The following NPC1L1 variants were observed in gnomAD, a reference collection of about 807,000 sequenced individuals.
NPC1L1 encodes the protein NPC1 like intracellular cholesterol transporter 1, also known as NPC1-like intracellular cholesterol transporter 1.
In NPC1L1, 98 loss-of-function variants were observed where a neutral mutation model predicts 117.0. The observed-to-expected ratio is 0.84, with a 90% CI of 0.71 to 0.99. The LOEUF is 0.99. NPC1L1 is among the 50% of genes least tolerant of loss of function. NPC1L1 has a pLI of 0.00. For missense variants in NPC1L1, 1,540 were observed against 1,710.0 expected, an observed-to-expected ratio of 0.90 and a Z score of 1.75; for synonymous variants, 729 against 727.6, an observed-to-expected ratio of 1.00 and a Z score of -0.03.
chr7:44,533,652 T>C (rs1563208684), intron 7 of NPC1L1, 87 bp downstream of exon 7: 5 of 1,605,404 alleles, frequency 3.1e-6, no homozygotes, highest in Non-Finnish European at 4.3e-6. Flanking sequence ...GAATCTGCAC[T>C]ATACCCACTG....
Position 44,533,846 on chromosome 7 carries a change from G to A in NPC1L1, c.2174C>T (p.Pro725Leu). The change falls in exon 7 of 19, where the codon CCC becomes CTC. Residue 725 changes from proline to leucine, a missense_variant. Transcript: ENST00000381160. ...CTCTCGTGGCTCCCCAGGCCTCCGG[G>A]GCAGCCTCTGTGTGGGAACAGCAGG... ...FIFVLEYQRLPRRPGEPREVH... is the reference protein window; with the variant it reads ...FIFVLEYQRLLRRPGEPREVH... The A allele has an allele frequency of 6.2e-7, 1 of 1,611,170 alleles. No individual in the cohort carries two copies.
chr7:44,514,920 G>A (rs940415161), intron 18 of NPC1L1, among the ~76,000 whole-genome samples: 3 of 151,832 alleles, frequency 2.0e-5, no homozygotes, highest in Non-Finnish European at 2.9e-5. Flanking sequence ...GGCTAAAGCA[G>A]GAGAATGGCT....
chr7:44,518,784 A>G (rs1801266353), intron 14 of NPC1L1: 5 of 1,041,702 alleles, frequency 4.8e-6, no homozygotes, highest in Non-Finnish European at 5.9e-6. Context: ...TCTTGGATAC[A>G]TACAATCTCA....
intron 14 of NPC1L1, chr7:44,518,669 CA>C (rs374773929): frequency 0.17 from 150,792 of 872,564 alleles, 30 homozygotes; most frequent in South Asian, 0.2. Context: ...AACTGTGTCT[CA>C]AAAAAAAAAA....
At position 44,521,084 on chromosome 7, in the gene NPC1L1, G is replaced by A. The variant is rs781185005; in HGVS notation, c.2988C>T (p.Ile996=). The A allele has an allele frequency of 1.2e-6, 2 of 1,614,178 alleles. No individual in the cohort carries two copies. Among genetic ancestry groups the A allele is most frequent in the Non-Finnish European group, 1.7e-6 (2 of 1,180,032 alleles). Residue 996 remains isoleucine (I), a synonymous_variant, in exon 13 of 19, where the codon ATC becomes ATT. Transcript: ENST00000381160. ...SLNCLKNCMS[I]TMGSVRPSVE... ...CCGAGGGCCTCACAGAGCCCATCGT[G>A]ATGCTCATGCAGTTCTTTAGGCAGT...
intron 14 of NPC1L1, among the ~76,000 whole-genome samples, chr7:44,519,677 T>C (rs1801293730): frequency 6.6e-6 from 1 of 152,202 alleles, no homozygotes; most frequent in African/African-American, 2.4e-5. Flanking sequence ...ACACCGAGCA[T>C]GTCTGCACGG....
intron 12 of NPC1L1, among the ~76,000 whole-genome samples, chr7:44,521,403 G>T (rs1027196428): frequency 8.5e-5 from 13 of 152,218 alleles, no homozygotes; most frequent in African/African-American, 2.9e-4. Context: ...GCAGGGCCAT[G>T]TGCTAACCTC....
Position 44,539,997 on chromosome 7 carries a change from T to C in NPC1L1, c.400A>G (p.Ser134Gly). 6.2e-7 allele frequency: 1 copy of C among 1,614,140 alleles called. No homozygotes were observed. Among genetic ancestry groups the C allele is most frequent in the South Asian group, 1.1e-5 (1 of 91,082 alleles). The part of the protein sequence containing the change: ...HCHNTCSPNQ[S>G]LFINVTRVAQ... Reference sequence around the variant, plus strand: ...ACGCGGGTCACATTGATGAAGAGGCTCTGATTGGGGCTGCACGTGTTGTGG... The same window carrying C: ...ACGCGGGTCACATTGATGAAGAGGCCCTGATTGGGGCTGCACGTGTTGTGG... The change falls in exon 2 of 19, where the codon AGC (serine) becomes GGC (glycine). Residue 134 changes from serine (S) to glycine (G), a missense_variant. By Grantham distance (56) the Ser-to-Gly change is moderately conservative (BLOSUM62 0). Transcript: ENST00000381160. The surrounding 1 kb of genome is among the most constrained non-coding windows in gnomAD (Gnocchi z 4.4).
chr7:44,538,877 T>C lies in NPC1L1; in HGVS notation c.1520A>G (p.Gln507Arg), dbSNP rs780904342. 6.2e-7 allele frequency: 1 copy of C among 1,614,194 alleles called. No homozygotes were observed. The highest frequency in any genetic ancestry group is 8.5e-7 in the Non-Finnish European group (1 of 1,180,018). ...TTGGGAGGTCTGCCCCATCAGTGTC[T>C]GGTTGGCTGTGAGCAGCAGGAGCGT... ...NRTLLLLTANQTLMGQTSQVD... is the reference protein window; with the variant it reads ...NRTLLLLTANRTLMGQTSQVD... Residue 507 changes from glutamine to arginine, a missense_variant, in exon 2 of 19, where the codon CAG becomes CGG. Gln to Arg is a conservative substitution (Grantham distance 43). Around this residue, in one of 3 missense-constraint regions of NPC1L1, gnomAD observed 793 missense variants for 820.4 expected, o/e 0.97. Transcript: ENST00000381160. This position sits in a 1 kb window ranked among gnomAD's most constrained non-coding sequence, Gnocchi z 5.9.
chr7:44,518,385 G>T (rs1801253077), intron 14 of NPC1L1, among the ~76,000 whole-genome samples: 1 of 151,800 alleles, frequency 6.6e-6, no homozygotes, highest in South Asian at 2.1e-4. Context: ...GGCCAGGCTG[G>T]TCTCAAACTC....
chr7:44,523,708 A>G (rs1801428650), intron 10 of NPC1L1, among the ~76,000 whole-genome samples: 1 of 152,184 alleles, frequency 6.6e-6, no homozygotes, highest in South Asian at 2.1e-4. Flanking sequence ...TACAAAAAAA[A>G]ATACAAAAGT....
rs1207203457 is a variant in NPC1L1 at position 44,539,085 on chromosome 7, G to C, written c.1312C>G (p.Leu438Val). 2.5e-6 allele frequency: 4 copies of C among 1,613,984 alleles called. No homozygotes were observed. The highest frequency in any genetic ancestry group is 3.3e-5 in the Admixed American group (2 of 60,002). ...TCTAGCAGCTCCAGCAGCAAGTCCAGGTCCAGGATTCCGCTGAAGTTCTTG... is the reference window on the plus strand; with the variant it reads ...TCTAGCAGCTCCAGCAGCAAGTCCACGTCCAGGATTCCGCTGAAGTTCTTG... ...GPKNFSGILDLDLLLELLELQ... is the reference protein window; with the variant it reads ...GPKNFSGILDVDLLLELLELQ... Residue 438 changes from leucine (L) to valine (V), a missense_variant, in exon 2 of 19, where the codon CTG (leucine) becomes GTG (valine). Physicochemically the swap from Leu to Val is conservative, Grantham distance 32. Around this residue, in one of 3 missense-constraint regions of NPC1L1, gnomAD observed 793 missense variants for 820.4 expected, o/e 0.97. Coordinates refer to ENST00000381160, the MANE Select transcript of NPC1L1 (RefSeq NM_001101648.2). The surrounding 1 kb of genome is among the most constrained non-coding windows in gnomAD (Gnocchi z 4.4).
chr7:44,539,450 A>T lies in NPC1L1; in HGVS notation c.947T>A (p.Met316Lys). Residue 316 changes from methionine to lysine, a missense_variant, in exon 2 of 19, where the codon ATG becomes AAG. This residue lies in a region of NPC1L1 where 793 missense variants were observed against 820.4 expected (regional missense o/e 0.97). Coordinates refer to ENST00000381160, the MANE Select transcript of NPC1L1 (RefSeq NM_001101648.2). The surrounding 1 kb of genome is among the most constrained non-coding windows in gnomAD (Gnocchi z 4.4). ...RVAPARDKSKMVDPKKGTSLS... is the reference protein window; with the variant it reads ...RVAPARDKSKKVDPKKGTSLS... Reference sequence around the variant, plus strand: ...GCTGGTGCCCTTCTTGGGGTCCACCATCTTGCTTTTGTCCCTGGCGGGGGC... The same window carrying T: ...GCTGGTGCCCTTCTTGGGGTCCACCTTCTTGCTTTTGTCCCTGGCGGGGGC... 6.2e-7 allele frequency: 1 copy of T among 1,614,020 alleles called. No individual in the cohort carries two copies. Among genetic ancestry groups the T allele is most frequent in the Non-Finnish European group, 8.5e-7 (1 of 1,179,974 alleles).
chr7:44,515,987 GTCAGGCAGGGCACAGGGCA>G (rs534475844), intron 17 of NPC1L1, 22 bp from the exon 18 acceptor site: 19,486 of 1,611,808 alleles, frequency 0.012, 176 homozygotes, highest in African/African-American at 0.017. Context: ...AGAGCCAGGT[GTCAGGCAGGGCACAGGGCA>G]TCAGGCAGGG....
rs1256400899 is a variant in NPC1L1, at chr7:44,532,091, G to A, written c.2536C>T (p.Arg846Ter). 35 of 1,614,012 alleles carry A rather than the reference G, an allele frequency of 2.2e-5. No individual in the cohort carries two copies. Among genetic ancestry groups the A allele is most frequent in the African/African-American group, 2.7e-5 (2 of 74,920 alleles). ...YAPFLLHWIT[R>*]GVVLLLFLAL... The stretch of plus-strand genomic sequence containing the variant: ...CGAGGCCCACTCACCACAACACCTC[G>A]AGTGATCCAGTGCAGCAGGAAGGGG... Residue 846 changes from arginine (R) to a stop codon, truncating the protein, a stop_gained, in exon 9 of 19, where the codon CGA (arginine) becomes TGA (stop). Coordinates refer to ENST00000381160, the MANE Select transcript of NPC1L1 (RefSeq NM_001101648.2). LOFTEE classifies it high-confidence loss of function.
chr7:44,515,967 T>TG lies in NPC1L1; in HGVS notation c.3634-3dup, dbSNP rs773688120. 10 of 1,613,318 alleles carry TG rather than the reference T, an allele frequency of 6.2e-6. No homozygotes were observed. Among genetic ancestry groups the TG allele is most frequent in the Admixed American group, 1.7e-5 (1 of 59,932 alleles). On this transcript the variant is annotated splice_polypyrimidine_tract_variant and splice_region_variant and intron_variant, in intron 17 of 18. Coordinates refer to ENST00000381160, the MANE Select transcript of NPC1L1 (RefSeq NM_001101648.2). ...GGTCATGGCCACACCTGCAAACACC[T>TG]GGGGGGTTCAGAGCCAGGTGTCAGG...
rs751211975 is a variant in NPC1L1, at chr7:44,538,869, T to C, written c.1528A>G (p.Met510Val). The C allele has an allele frequency of 1.1e-5, 17 of 1,614,066 alleles. No homozygotes were observed. The highest frequency in any genetic ancestry group is 1.3e-5 in the Non-Finnish European group (15 of 1,180,044). Residue 510 changes from methionine to valine, a missense_variant, in exon 2 of 19, where the codon ATG becomes GTG. Met to Val is a conservative substitution (Grantham distance 21). Around this residue, in one of 3 missense-constraint regions of NPC1L1, gnomAD observed 793 missense variants for 820.4 expected, o/e 0.97. Transcript: ENST00000381160. The surrounding 1 kb of genome is among the most constrained non-coding windows in gnomAD (Gnocchi z 5.9). ...LLLLTANQTL[M>V]GQTSQVDWKD... is the part of the protein sequence containing the mutation. The stretch of plus-strand genomic sequence containing the variant: ...CAGTCGACTTGGGAGGTCTGCCCCA[T>C]CAGTGTCTGGTTGGCTGTGAGCAGC...
chr7:44,524,061 C>T (rs1409260879), intron 10 of NPC1L1, among the ~76,000 whole-genome samples: 1 of 152,168 alleles, frequency 6.6e-6, no homozygotes, highest in African/African-American at 2.4e-5. Flanking sequence ...TCCCCGACAC[C>T]TTCATTTTTC....
In NPC1L1 at chr7:44,529,444, T is replaced by C. The variant is rs370089441; in HGVS notation, c.2637+2311A>G. On this transcript the variant is annotated intron_variant, in intron 10 of 18. Coordinates refer to ENST00000381160, the MANE Select transcript of NPC1L1 (RefSeq NM_001101648.2). ...CCCAGGCTGGAGTGCAATGGCGTGA[T>C]CTCAGTTTACCACAACCTCTGCCTC... 8.6e-5 allele frequency among the ~76,000 whole-genome samples: 13 copies of C among 151,650 alleles called. No homozygotes were observed. In the East Asian group the frequency reaches 1.6e-3, roughly 19 times the overall value.
Sources: allele counts gnomAD v4.1 joint callset (sites outside exome capture counted in the v4.1 genomes callset), GRCh38; gene constraint gnomAD v4.1.1; regional missense constraint gnomAD v4.1.1; non-coding constraint Gnocchi (gnomAD v3.1); transcripts MANE v1.5; gene names NCBI Gene and HGNC (gene_info 2026-07-23, HGNC 2026-07-21).